PAIP2B: variants seen among roughly 807,000 people sequenced by gnomAD.
PAIP2B encodes the protein polyadenylate-binding protein-interacting protein 2B.
In PAIP2B, 13 loss-of-function variants were observed where a neutral mutation model predicts 17.0. That is an observed-to-expected ratio of 0.76 (90% CI 0.50 to 1.22). The LOEUF is 1.22. Ranked by LOEUF, PAIP2B falls within the 50% of genes most tolerant of loss-of-function variation. The pLI, the probability that PAIP2B is intolerant of heterozygous loss-of-function variation, is 0.00. For synonymous variants in PAIP2B, 43 were observed against 48.7 expected, an observed-to-expected ratio of 0.88 and a Z score of 0.48; for missense variants, 117 against 144.5, an observed-to-expected ratio of 0.81 and a Z score of 0.98.
intron 1 of PAIP2B, among the ~76,000 whole-genome samples, chr2:71,217,937 A>G (rs1307696232): frequency 6.6e-6 from 1 of 152,120 alleles, no homozygotes; most frequent in Non-Finnish European, 1.5e-5. Context: ...GCGTGGTGGT[A>G]TATACCTGTA....
intron 1 of PAIP2B, among the ~76,000 whole-genome samples, chr2:71,209,554 T>C (rs1384157601): frequency 6.6e-6 from 1 of 152,164 alleles, no homozygotes; most frequent in African/African-American, 2.4e-5. Context: ...AAAGATTTTA[T>C]CCATTACAAA....
chr2:71,194,815 G>C (rs1304079361), intron 2 of PAIP2B, among the ~76,000 whole-genome samples: 14 of 152,144 alleles, frequency 9.2e-5, no homozygotes, highest in Non-Finnish European at 1.5e-5. Context: ...CGGTTTTCAA[G>C]GGGAATGCTT....
intron 1 of PAIP2B, among the ~76,000 whole-genome samples, chr2:71,209,016 G>A (rs917138630): frequency 2.0e-5 from 3 of 152,158 alleles, no homozygotes; most frequent in Non-Finnish European, 4.4e-5. Flanking sequence ...GCAGCCACAG[G>A]GAATGAATCC....
chr2:71,203,509 C>A (rs1342959015), intron 1 of PAIP2B, among the ~76,000 whole-genome samples: 2 of 151,852 alleles, frequency 1.3e-5, no homozygotes, highest in Admixed American at 1.3e-4. Context: ...TTCATGAGTA[C>A]TATCATTTTC....
intron 1 of PAIP2B, among the ~76,000 whole-genome samples, chr2:71,211,365 C>A (rs1675293786): frequency 1.3e-5 from 2 of 152,096 alleles, no homozygotes; most frequent in African/African-American, 4.8e-5. Context: ...TTTCCACATC[C>A]ATACTTTGCA....
Position 71,187,325 on chromosome 2 carries a change from T to C in PAIP2B, c.*1154A>G, listed in dbSNP as rs1482089808. The stretch of plus-strand genomic sequence containing the variant: ...ATGTGGGAACAGTAAAATGTTTTAA[T>C]AGCTGAAAAGATCCCAGAAGGTCAG... On this transcript the variant is annotated 3_prime_UTR_variant, in exon 4 of 4. Coordinates refer to ENST00000244221, the MANE Select transcript of PAIP2B (RefSeq NM_020459.1). The C allele has an allele frequency of 6.6e-5, 10 of 152,298 alleles. No individual in the cohort carries two copies. 9.4% of individuals were successfully genotyped at this position (152,298 alleles called of 1,614,324 possible). A position where few individuals can be genotyped will look rare whatever the true frequency, so the allele number is the denominator to read the frequency against.
At chr2:71,221,295 T>G (rs898611306) in intron 1 of PAIP2B, among the ~76,000 whole-genome samples, 9 of 152,276 alleles carry the variant, frequency 5.9e-5, no homozygotes, top group African/African-American at 1.9e-4. Flanking sequence ...ACCATCTCTA[T>G]ATCTCTGTGC....
intron 2 of PAIP2B, among the ~76,000 whole-genome samples, chr2:71,199,242 T>G (rs1214153323): frequency 6.6e-6 from 1 of 152,122 alleles, no homozygotes; most frequent in Non-Finnish European, 1.5e-5. Flanking sequence ...CCATTTTCTT[T>G]GCATATGAGT....
chr2:71,195,309 T>C (rs778430425), intron 2 of PAIP2B, among the ~76,000 whole-genome samples: 1 of 152,202 alleles, frequency 6.6e-6, no homozygotes, highest in Non-Finnish European at 1.5e-5. Flanking sequence ...CCAGCTCTTC[T>C]TTGTATGTCT....
rs181867002 is a variant in PAIP2B, at chr2:71,222,406, C to T, written c.-12+4522G>A. ...ACATGATGGCACAGCTCAAAATTCT[C>T]TCTAGTAGGGGCCTTCTGTTTTTAG... On this transcript the variant is annotated intron_variant, in intron 1 of 3. Transcript: ENST00000244221. Among the ~76,000 whole-genome samples, 7 of 152,312 alleles carry T rather than the reference C, an allele frequency of 4.6e-5. No individual in the cohort carries two copies. The East Asian group carries it at 1.3e-3, about 29-fold the overall frequency.
At chr2:71,224,405 T>C (rs1675669366) in intron 1 of PAIP2B, among the ~76,000 whole-genome samples, 1 of 152,224 alleles carries the variant, frequency 6.6e-6, no homozygotes. Flanking sequence ...TTGGCAACTT[T>C]ATAGAATATA....
chr2:71,185,437 G>A lies in PAIP2B; in HGVS notation c.*3042C>T, dbSNP rs939106408. 2.6e-5 allele frequency: 4 copies of A among 151,926 alleles called. No homozygotes were observed. The highest frequency in any genetic ancestry group is 5.9e-5 in the Non-Finnish European group (4 of 68,012). 9.4% of individuals were successfully genotyped at this position (151,926 alleles called of 1,614,324 possible). ...AAAATAATTAGCTGGCCGTGGTGGTGCGTACCTGTTGTCCCAGCTACTCGG... is the reference window on the plus strand; with the variant it reads ...AAAATAATTAGCTGGCCGTGGTGGTACGTACCTGTTGTCCCAGCTACTCGG... On this transcript the variant is annotated 3_prime_UTR_variant, in exon 4 of 4. Coordinates refer to ENST00000244221, the MANE Select transcript of PAIP2B (RefSeq NM_020459.1).
intron 1 of PAIP2B, among the ~76,000 whole-genome samples, chr2:71,224,768 A>G (rs2103836847): frequency 6.6e-6 from 1 of 152,338 alleles, no homozygotes; most frequent in African/African-American, 2.4e-5. Flanking sequence ...TCTCTCTTCC[A>G]TTAAACTGTG....
intron 2 of PAIP2B, among the ~76,000 whole-genome samples, chr2:71,198,122 T>C: frequency 6.6e-6 from 1 of 152,182 alleles, no homozygotes. Context: ...TTTGACTGTC[T>C]TATTTAATTT....
rs1418286981 is a variant in PAIP2B, at chr2:71,183,676, C to T, written c.*4803G>A. The T allele has an allele frequency of 2.6e-5, 4 of 152,222 alleles. No homozygotes were observed. The highest frequency in any genetic ancestry group is 9.6e-5 in the African/African-American group (4 of 41,532). 9.4% of individuals were successfully genotyped at this position (152,222 alleles called of 1,614,324 possible). ...CATTAGCTAAGTAAAAAAGCCAGAC[C>T]CAAGGGACCACATATTGTATGATTC... is the stretch of plus-strand genomic sequence containing the variant. On this transcript the variant is annotated 3_prime_UTR_variant, in exon 4 of 4. Coordinates refer to ENST00000244221, the MANE Select transcript of PAIP2B (RefSeq NM_020459.1).
intron 1 of PAIP2B, among the ~76,000 whole-genome samples, chr2:71,219,728 T>C (rs574554881): frequency 2.1e-4 from 30 of 145,140 alleles, no homozygotes; most frequent in African/African-American, 7.8e-4. Flanking sequence ...CGCAAATACA[T>C]AGTTCAAAAA....
At chr2:71,200,738 T>G (rs1435822766) in intron 2 of PAIP2B, among the ~76,000 whole-genome samples, 1 of 151,832 alleles carries the variant, frequency 6.6e-6, no homozygotes, top group Non-Finnish European at 1.5e-5. Context: ...GGTTACAGAG[T>G]GAGACTCCAC....
chr2:71,201,864 C>T (rs925038210), intron 2 of PAIP2B, among the ~76,000 whole-genome samples: 3 of 152,074 alleles, frequency 2.0e-5, no homozygotes, highest in African/African-American at 7.2e-5. Flanking sequence ...GTTATAGAAC[C>T]ACTGGGCTTC....
At chr2:71,200,917 A>T (rs962994560) in intron 2 of PAIP2B, among the ~76,000 whole-genome samples, 2 of 152,112 alleles carry the variant, frequency 1.3e-5, no homozygotes, top group Non-Finnish European at 2.9e-5. Context: ...TGCCATGCAT[A>T]TATCTGTCAT....
Sources: allele counts gnomAD v4.1 joint callset (sites outside exome capture counted in the v4.1 genomes callset), GRCh38; gene constraint gnomAD v4.1.1; transcripts MANE v1.5; gene names NCBI Gene and HGNC (gene_info 2026-07-23, HGNC 2026-07-21).